The following RANBP3 variants were observed in gnomAD, a reference collection of about 807,000 sequenced individuals.
The protein encoded by RANBP3 is RAN binding protein 3, also known as ran-binding protein 3.
A neutral mutation model predicts 77.3 loss-of-function variants in RANBP3; 14 were observed. The observed-to-expected ratio is 0.18, with a 90% CI of 0.12 to 0.28. The LOEUF (loss-of-function observed/expected upper bound fraction) is 0.28. Among genes scored for constraint, RANBP3 ranks in the 10% least tolerant of loss-of-function variants. The probability of loss-of-function intolerance (pLI) is 1.00; values close to 1 mark genes in which losing one functional copy is unlikely to be tolerated. For synonymous variants in RANBP3, 315 were observed against 312.4 expected, an observed-to-expected ratio of 1.01 and a Z score of -0.09; for missense variants, 586 against 752.3, an observed-to-expected ratio of 0.78 and a Z score of 2.59.
At chr19:5,977,168 C>T (rs1047457173) in intron 1 of RANBP3, among the ~76,000 whole-genome samples, 3 of 152,104 alleles carry the variant, frequency 2.0e-5, no homozygotes, top group Non-Finnish European at 4.4e-5. Flanking sequence ...CAGAGCCAGA[C>T]AGGTAGAGAG....
At chr19:5,926,318 G>A (rs1448689598) in intron 9 of RANBP3, among the ~76,000 whole-genome samples, 3 of 152,060 alleles carry the variant, frequency 2.0e-5, no homozygotes, top group East Asian at 3.9e-4. Flanking sequence ...AGGCTGAGGC[G>A]GCGGGGAATC....
chr19:5,960,861 G>A (rs2058391298), intron 1 of RANBP3, among the ~76,000 whole-genome samples: 1 of 152,186 alleles, frequency 6.6e-6, no homozygotes, highest in Non-Finnish European at 1.5e-5. Flanking sequence ...CCAGGAGAGG[G>A]CCCCTCTGAT....
At chr19:5,962,230 T>C (rs1306480513) in intron 1 of RANBP3, among the ~76,000 whole-genome samples, 2 of 152,098 alleles carry the variant, frequency 1.3e-5, no homozygotes, top group Non-Finnish European at 2.9e-5. Flanking sequence ...TAAGCCCTCA[T>C]TCTGTGCAGG....
Position 5,924,681 on chromosome 19 carries a change from C to T in RANBP3, c.996+146G>A, listed in dbSNP as rs2057877302. ...GGCCAGTTTTCAGGCTGAGTCTGAG[C>T]AGGGTCTTCCCTCTCTCACTTGCTA... On this transcript the variant is annotated intron_variant, in intron 11 of 16. Coordinates refer to ENST00000340578, the MANE Select transcript of RANBP3 (RefSeq NM_007322.3). The surrounding 1 kb of genome is among the most constrained non-coding windows in gnomAD (Gnocchi z 4.7). The T allele has an allele frequency of 4.8e-6, 4 of 833,468 alleles. No individual in the cohort carries two copies. Among genetic ancestry groups the T allele is most frequent in the Non-Finnish European group, 6.0e-6 (3 of 500,110 alleles). The allele number at this position is 833,468 out of a possible 1,614,324, so 51.6% of individuals were successfully genotyped here.
chr19:5,933,718 G>C (rs2058027287), intron 5 of RANBP3: 1 of 447,268 alleles, frequency 2.2e-6, no homozygotes. Flanking sequence ...TGCTGACCAT[G>C]GGGGCAGGTG....
In RANBP3 at chr19:5,931,441, C is replaced by T; in HGVS notation, c.656G>A (p.Ser219Asn). The T allele has an allele frequency of 3.1e-6, 5 of 1,612,912 alleles. No homozygotes were observed. In the South Asian group the frequency reaches 4.4e-5, roughly 14 times the overall value. The change falls in exon 8 of 17, where the codon AGT becomes AAT. Residue 219 changes from serine to asparagine, a missense_variant. By Grantham distance (46) the Ser-to-Asn change is conservative (BLOSUM62 1). Coordinates refer to ENST00000340578, the MANE Select transcript of RANBP3 (RefSeq NM_007322.3). ...CACCTCATCGGCAGCTTCGGAAGGA[C>T]TTCTCCATGCAGCAGTGTCAGGGGA... ...AASPDTAAWRSPSEAADEVCA... is the reference protein window; with the variant it reads ...AASPDTAAWRNPSEAADEVCA...
intron 1 of RANBP3, among the ~76,000 whole-genome samples, chr19:5,960,552 A>T (rs796897973): frequency 1.1e-4 from 17 of 152,336 alleles, no homozygotes; most frequent in African/African-American, 3.8e-4. Context: ...GCCTGAGAAC[A>T]GTACTTGGCA....
chr19:5,928,813 G>A (rs1274797106), intron 8 of RANBP3, among the ~76,000 whole-genome samples: 1 of 152,180 alleles, frequency 6.6e-6, no homozygotes, highest in Non-Finnish European at 1.5e-5. Context: ...CATTTATCTT[G>A]AGATAATGGA....
intron 1 of RANBP3, 48 bp downstream of exon 1, chr19:5,978,013 C>G: frequency 6.2e-7 from 1 of 1,606,140 alleles, no homozygotes; most frequent in Non-Finnish European, 8.5e-7. Context: ...AGTCCTCCCG[C>G]CGCCCGTTCC....
rs1214814128 is a variant in RANBP3, at chr19:5,956,758, A to G, written c.78+1160T>C. On this transcript the variant is annotated intron_variant, in intron 2 of 16. Coordinates refer to ENST00000340578, the MANE Select transcript of RANBP3 (RefSeq NM_007322.3). ...CATCAAGATAAATGCTGGCTTTGGGACAGGACCTAAGACCAGCAGCTGAGT... is the reference window on the plus strand; with the variant it reads ...CATCAAGATAAATGCTGGCTTTGGGGCAGGACCTAAGACCAGCAGCTGAGT... 2.0e-5 allele frequency among the ~76,000 whole-genome samples: 3 copies of G among 152,220 alleles called. No homozygotes were observed. The South Asian group carries it at 6.2e-4, about 32-fold the overall frequency.
chr19:5,923,760 C>G, intron 12 of RANBP3, 52 bp downstream of exon 12: 1 of 1,449,944 alleles, frequency 6.9e-7, no homozygotes, highest in African/African-American at 1.4e-5. Context: ...GACCCAGCAT[C>G]CCCCAAGATG....
At chr19:5,953,966 C>G (rs925020088) in intron 2 of RANBP3, among the ~76,000 whole-genome samples, 1 of 152,220 alleles carries the variant, frequency 6.6e-6, no homozygotes, top group Admixed American at 6.5e-5. Context: ...CACCCACACG[C>G]AGGCCACGGT....
chr19:5,917,326 A>C lies in RANBP3; in HGVS notation c.*284T>G, dbSNP rs571699546. On this transcript the variant is annotated 3_prime_UTR_variant, in exon 17 of 17. Transcript: ENST00000340578. ...AACGAGGTCTCCAGTCCCAGTGAGA[A>C]GCCGTGACAAGTCTTAATGTGCCAT... The C allele has an allele frequency of 2.0e-6, 1 of 489,274 alleles. No homozygotes were observed. Among genetic ancestry groups the C allele is most frequent in the Admixed American group, 3.8e-5 (1 of 26,348 alleles). 30.3% of individuals were successfully genotyped at this position (489,274 alleles called of 1,614,324 possible).
At chr19:5,933,285 G>A (rs2058019949) in intron 6 of RANBP3, 129 bp downstream of exon 6, 3 of 710,870 alleles carry the variant, frequency 4.2e-6, no homozygotes, top group Non-Finnish European at 2.3e-6. Context: ...ACTTTCCAGG[G>A]CTCGTGGGTC....
intron 12 of RANBP3, 104 bp downstream of exon 12, chr19:5,923,708 G>A (rs966331252): frequency 5.2e-5 from 43 of 833,152 alleles, no homozygotes; most frequent in Middle Eastern, 6.4e-4. Flanking sequence ...TTACTGCTGC[G>A]GGAGTCGGGC....
intron 1 of RANBP3, chr19:5,976,287 C>T (rs754680503): frequency 1.3e-5 from 2 of 152,048 alleles, no homozygotes; most frequent in Non-Finnish European, 2.9e-5. Flanking sequence ...ATGGAGATGT[C>T]GAAATGTGAT....
chr19:5,970,975 A>G (rs2145277256), intron 1 of RANBP3, among the ~76,000 whole-genome samples: 1 of 152,268 alleles, frequency 6.6e-6, no homozygotes, highest in East Asian at 1.9e-4. Context: ...CTGGTTTAGA[A>G]TTCTCCCGAT....
At chr19:5,942,685 A>G (rs1463834874) in intron 3 of RANBP3, among the ~76,000 whole-genome samples, 3 of 142,182 alleles carry the variant, frequency 2.1e-5, no homozygotes, top group Non-Finnish European at 4.6e-5. Context: ...TGGGCGACAC[A>G]GCGAGACTCT....
intron 9 of RANBP3, among the ~76,000 whole-genome samples, chr19:5,927,235 C>A (rs1449469720): frequency 6.6e-6 from 1 of 152,186 alleles, no homozygotes; most frequent in Admixed American, 6.5e-5. Flanking sequence ...TGGTCCAGGG[C>A]CACTGTTTCC....
Sources: gnomAD v4.1 joint callset for allele counts (sites outside exome capture counted in the v4.1 genomes callset) on GRCh38, gnomAD v4.1.1 for gene constraint, Gnocchi (gnomAD v3.1) non-coding constraint, MANE v1.5 for transcripts, NCBI Gene and HGNC (gene_info 2026-07-23, HGNC 2026-07-21) for gene names.